The following MEI1 variants were observed in gnomAD, a reference collection of about 807,000 sequenced individuals.
MEI1 encodes meiotic double-stranded break formation protein 1, also known as meiosis inhibitor protein 1.
MEI1 carries 103 observed loss-of-function variants against 146.2 expected under a neutral mutation model. The observed-to-expected ratio is 0.70, with a 90% CI of 0.60 to 0.83. The LOEUF is 0.83. MEI1 is among the 40% of genes least tolerant of loss of function. The pLI is 0.00. For synonymous variants in MEI1, 652 were observed against 628.2 expected, an observed-to-expected ratio of 1.04 and a Z score of -0.57; for missense variants, 1,529 against 1,533.0, an observed-to-expected ratio of 1.00 and a Z score of 0.04.
intron 2 of MEI1, among the ~76,000 whole-genome samples, chr22:41,704,464 A>G (rs574032150): frequency 1.4e-5 from 2 of 142,590 alleles, no homozygotes; most frequent in African/African-American, 5.3e-5. Flanking sequence ...CCCAGGCCGG[A>G]GTCCAGTGGC....
Position 41,795,934 on chromosome 22 carries a change from G to A in MEI1, c.3779+87G>A, listed in dbSNP as rs571558252. On this transcript the variant is annotated intron_variant, in intron 30 of 30. Transcript: ENST00000401548. The surrounding 1 kb of genome is among the most constrained non-coding windows in gnomAD (Gnocchi z 4.2). ...TTCCTGGGCCAGTTTATGCGGTACCGGAGTAGCAGTGTCCTCTCTCATGAA... is the reference window on the plus strand; with the variant it reads ...TTCCTGGGCCAGTTTATGCGGTACCAGAGTAGCAGTGTCCTCTCTCATGAA... 100 of 1,612,418 alleles carry A rather than the reference G, an allele frequency of 6.2e-5. No individual in the cohort carries two copies. Among genetic ancestry groups the A allele is most frequent in the Non-Finnish European group, 7.9e-5 (93 of 1,179,686 alleles).
intron 1 of MEI1, among the ~76,000 whole-genome samples, chr22:41,702,177 G>T (rs1416471906): frequency 6.6e-6 from 1 of 152,168 alleles, no homozygotes; most frequent in African/African-American, 2.4e-5. Context: ...TTTCGCTCTC[G>T]TTGCCCAGGC....
At chr22:41,735,542 T>C (rs1364175898) in intron 11 of MEI1, among the ~76,000 whole-genome samples, 2 of 152,070 alleles carry the variant, frequency 1.3e-5, no homozygotes, top group African/African-American at 2.4e-5. Context: ...CATATTGTTA[T>C]TTTTTTTATA....
chr22:41,732,720 G>C, intron 11 of MEI1, 117 bp downstream of exon 11: 1 of 1,152,562 alleles, frequency 8.7e-7, no homozygotes, highest in East Asian at 2.6e-5. Flanking sequence ...AATATAGTTG[G>C]CCCTTCATAA....
At chr22:41,712,303 T>G (rs920327757) in intron 3 of MEI1, among the ~76,000 whole-genome samples, 29 of 150,226 alleles carry the variant, frequency 1.9e-4, no homozygotes, top group African/African-American at 6.6e-4. Context: ...GGCGCGATCT[T>G]GGCTCACTGC....
In MEI1 at chr22:41,730,533, A is replaced by G. The variant is rs1313505789; in HGVS notation, c.992A>G (p.Glu331Gly). The change falls in exon 9 of 31, where the codon GAG (glutamate) becomes GGG (glycine). Residue 331 changes from glutamate to glycine, a missense_variant. Transcript: ENST00000401548. ...IHADIPEFLF[E>G]HLSSSSEVLV... ...TCTCCCTTGTTAGAGTTCCTCTTTG[A>G]GCATCTTTCTTCTTCCAGTGAAGTG... is the stretch of plus-strand genomic sequence containing the variant. The G allele has an allele frequency of 6.2e-7, 1 of 1,612,672 alleles. No homozygotes were observed. Among genetic ancestry groups the G allele is most frequent in the Non-Finnish European group, 8.5e-7 (1 of 1,178,784 alleles).
intron 26 of MEI1, among the ~76,000 whole-genome samples, chr22:41,787,288 C>T (rs1200837252): frequency 6.6e-6 from 1 of 151,346 alleles, no homozygotes; most frequent in African/African-American, 2.4e-5. Context: ...ACAGAATGGG[C>T]TTTTTTTTTC....
intron 15 of MEI1, among the ~76,000 whole-genome samples, chr22:41,748,922 C>T (rs75823539): frequency 0.017 from 2,600 of 152,022 alleles, 75 homozygotes; most frequent in African/African-American, 0.059. Context: ...CCTGTTTCAG[C>T]GTCCTGATTA....
At chr22:41,706,377 CATAG>C (rs1053891083) in intron 3 of MEI1, among the ~76,000 whole-genome samples, 4 of 152,098 alleles carry the variant, frequency 2.6e-5, no homozygotes, top group Non-Finnish European at 5.9e-5. Context: ...ACTACGGATA[CATAG>C]ATAGATAAGA....
rs747430244 is a variant in MEI1 at position 41,699,538 on chromosome 22, G to A, written c.-1G>A. On this transcript the variant is annotated 5_prime_UTR_variant, in exon 1 of 31. Transcript: ENST00000401548. The stretch of plus-strand genomic sequence containing the variant: ...CGCCTCAGCTGAGGGCAAGCGAGGA[G>A]ATGGCTGTGAGGCAGGCGGCGACGG... 1 of 1,610,200 alleles carries A rather than the reference G, an allele frequency of 6.2e-7. No individual in the cohort carries two copies.
At chr22:41,734,162 G>A (rs1324948019) in intron 11 of MEI1, among the ~76,000 whole-genome samples, 1 of 139,164 alleles carries the variant, frequency 7.2e-6, no homozygotes, top group Non-Finnish European at 1.5e-5. Flanking sequence ...AATAAATAAA[G>A]TATGCTGGAG....
In MEI1 at chr22:41,771,077, T is replaced by A; in HGVS notation, c.2544+116T>A. ...CTGCTTCAGCCCACCTCCAGACTTA[T>A]CACTGTCTGCATGTGAGTTGGAGGG... is the stretch of plus-strand genomic sequence containing the variant. On this transcript the variant is annotated intron_variant, in intron 20 of 30. Transcript: ENST00000401548. 2.6e-6 allele frequency: 3 copies of A among 1,148,474 alleles called. No homozygotes were observed. In the Admixed American group the frequency reaches 6.7e-5, roughly 26 times the overall value. 71.1% of individuals were successfully genotyped at this position (1,148,474 alleles called of 1,614,324 possible). A position where few individuals can be genotyped will look rare whatever the true frequency, so the allele number is the denominator to read the frequency against.
chr22:41,764,489 C>A (rs911406792), intron 19 of MEI1, among the ~76,000 whole-genome samples: 3 of 152,128 alleles, frequency 2.0e-5, no homozygotes, highest in African/African-American at 7.2e-5. Flanking sequence ...TAAACCAGGT[C>A]TACTCTCATC....
chr22:41,769,086 A>G (rs1015606854), intron 19 of MEI1, among the ~76,000 whole-genome samples: 1 of 152,216 alleles, frequency 6.6e-6, no homozygotes, highest in Non-Finnish European at 1.5e-5. Context: ...CCTAAAATTC[A>G]TATGGAAATG....
chr22:41,793,405 G>A (rs1436750358), intron 26 of MEI1, among the ~76,000 whole-genome samples: 1 of 152,018 alleles, frequency 6.6e-6, no homozygotes, highest in African/African-American at 2.4e-5. Flanking sequence ...GGGTTCAATC[G>A]ATTCTCCTGC....
At chr22:41,774,838 A>G (rs1254593674) in intron 20 of MEI1, among the ~76,000 whole-genome samples, 4 of 152,220 alleles carry the variant, frequency 2.6e-5, no homozygotes, top group African/African-American at 7.2e-5. Flanking sequence ...TTATTGATAT[A>G]TAGTTGTTTT....
intron 15 of MEI1, among the ~76,000 whole-genome samples, chr22:41,750,772 C>G (rs1339290055): frequency 1.3e-5 from 2 of 152,148 alleles, no homozygotes; most frequent in Non-Finnish European, 2.9e-5. Context: ...CTCCAGTGTC[C>G]TTAGCTAGAA....
intron 18 of MEI1, among the ~76,000 whole-genome samples, chr22:41,760,437 A>T (rs2074408499): frequency 6.6e-6 from 1 of 152,166 alleles, no homozygotes; most frequent in African/African-American, 2.4e-5. Flanking sequence ...TGAACCCGGG[A>T]GGCGGAGGTT....
intron 3 of MEI1, among the ~76,000 whole-genome samples, chr22:41,712,703 G>GTGTGTGTGTGTGT (rs766760114): frequency 2.2e-5 from 2 of 91,410 alleles, no homozygotes; most frequent in Admixed American, 1.1e-4. Flanking sequence ...TGTGTGTGTG[G>GTGTGTGTGTGTGT]AGCAATATAT....
Sources: allele counts gnomAD v4.1 joint callset (sites outside exome capture counted in the v4.1 genomes callset), GRCh38; gene constraint gnomAD v4.1.1; non-coding constraint Gnocchi (gnomAD v3.1); transcripts MANE v1.5; gene names NCBI Gene and HGNC (gene_info 2026-07-23, HGNC 2026-07-21).